PANK1: variants seen among roughly 807,000 people sequenced by gnomAD.
The protein encoded by PANK1 is pantothenic acid kinase 1.
In PANK1, 18 loss-of-function variants were observed where a neutral mutation model predicts 40.1. The observed-to-expected ratio is 0.45, with a 90% CI of 0.31 to 0.67. The LOEUF (loss-of-function observed/expected upper bound fraction) is 0.67, where lower values mean the gene tolerates loss of function less well. PANK1 is among the 30% of genes least tolerant of loss of function. PANK1 has a pLI of 0.06. For missense variants in PANK1, 457 were observed against 599.6 expected, an observed-to-expected ratio of 0.76 and a Z score of 2.48; for synonymous variants, 242 against 237.7, an observed-to-expected ratio of 1.02 and a Z score of -0.17.
At chr10:89,586,385 G>A (rs1296388822) in intron 6 of PANK1, among the ~76,000 whole-genome samples, 5 of 151,904 alleles carry the variant, frequency 3.3e-5, no homozygotes, top group Non-Finnish European at 7.4e-5. Context: ...TAAATAATCA[G>A]GTATTCTGGC....
At chr10:89,643,874 G>C (rs1448446042) in intron 1 of PANK1, 43 of 1,441,728 alleles carry the variant, frequency 3.0e-5, no homozygotes, top group Non-Finnish European at 3.9e-5. Context: ...TTTAGATTGT[G>C]AAATAATGCA....
At chr10:89,628,943 A>G (rs1309005450) in intron 1 of PANK1, among the ~76,000 whole-genome samples, 1 of 152,094 alleles carries the variant, frequency 6.6e-6, no homozygotes, top group Non-Finnish European at 1.5e-5. Context: ...TCTCTATTAT[A>G]GTTTTCTATG....
At chr10:89,611,251 G>A (rs1462163768) in intron 2 of PANK1, among the ~76,000 whole-genome samples, 1 of 152,172 alleles carries the variant, frequency 6.6e-6, no homozygotes, top group African/African-American at 2.4e-5. Flanking sequence ...GCACTTGAGA[G>A]CAAATGGGTA....
chr10:89,581,458 TC>T (rs763948820), downstream of PANK1: 8 of 152,160 alleles, frequency 5.3e-5, no homozygotes, highest in South Asian at 4.1e-4. Flanking sequence ...TCACTCTGTC[TC>T]CCAGGCTGGA....
rs1844091279 is a variant in PANK1 at position 89,583,275 on chromosome 10, T to C, written c.*1131A>G. The C allele has an allele frequency of 6.6e-6, 1 of 152,168 alleles. No individual in the cohort carries two copies. Among genetic ancestry groups the C allele is most frequent in the South Asian group, 2.1e-4 (1 of 4,830 alleles). 9.4% of individuals were successfully genotyped at this position (152,168 alleles called of 1,614,324 possible). A position where few individuals can be genotyped will look rare whatever the true frequency, so the allele number is the denominator to read the frequency against. ...CAAAAAGAAAAAATATATAGATCAG[T>C]ATAAATTATTTTTAATTTTAGAAAC... On this transcript the variant is annotated 3_prime_UTR_variant, in exon 7 of 7. Transcript: ENST00000307534.
Position 89,622,614 on chromosome 10 carries a change from T to C in PANK1, c.293-10566A>G, listed in dbSNP as rs150085643. On this transcript the variant is annotated intron_variant, in intron 1 of 6. Transcript: ENST00000307534. ...ACTTTAGGAGGCCGAGGTGGGCGGA[T>C]CACGAGGTCAGGAGATTGAGACCAG... is the stretch of plus-strand genomic sequence containing the variant. 5.4e-3 allele frequency among the ~76,000 whole-genome samples: 823 copies of C among 152,228 alleles called. 9 individuals carry two copies. The highest frequency in any genetic ancestry group is 0.017 in the African/African-American group (705 of 41,540).
intron 2 of PANK1, among the ~76,000 whole-genome samples, chr10:89,600,315 G>A (rs909202301): frequency 1.3e-5 from 2 of 152,174 alleles, no homozygotes; most frequent in African/African-American, 4.8e-5. Context: ...GAGGGACTGG[G>A]AACTGGGGTG....
rs890504491 is a variant in PANK1 at position 89,583,783 on chromosome 10, C to G, written c.*623G>C. 1.3e-5 allele frequency: 2 copies of G among 152,084 alleles called. No homozygotes were observed. Among genetic ancestry groups the G allele is most frequent in the Non-Finnish European group, 2.9e-5 (2 of 68,042 alleles). The allele number at this position is 152,084 out of a possible 1,614,324, so 9.4% of individuals were successfully genotyped here. Reference sequence around the variant, plus strand: ...TGGTCAGCACCTTCATTGATATGAACAATTATGTCAAAGAAAGGTTACAGG... The same window carrying G: ...TGGTCAGCACCTTCATTGATATGAAGAATTATGTCAAAGAAAGGTTACAGG... On this transcript the variant is annotated 3_prime_UTR_variant, in exon 7 of 7. Transcript: ENST00000307534.
At chr10:89,643,862 G>A in intron 1 of PANK1, 1 of 1,474,504 alleles carries the variant, frequency 6.8e-7, no homozygotes, top group East Asian at 2.4e-5. Context: ...ATATATACAA[G>A]CTTTAGATTG....
Position 89,593,244 on chromosome 10 carries a change from T to C in PANK1, c.1153A>G (p.Ile385Val), listed in dbSNP as rs1229557185. Residue 385 changes from isoleucine (I) to valine (V), a missense_variant, in exon 5 of 7, where the codon ATC becomes GTC. Around this residue, in one of 4 missense-constraint regions of PANK1, gnomAD observed 286 missense variants for 415.8 expected, o/e 0.69. Transcript: ENST00000307534. ...EDLARATLVT[I>V]TNNIGSIARM... is the part of the protein sequence containing the mutation. ...GCAATGGAGCCAATGTTGTTGGTGA[T>C]GGTGACCAATGTGGCCCGGGCGAGG... 4 of 1,613,818 alleles carry C rather than the reference T, an allele frequency of 2.5e-6. No individual in the cohort carries two copies. Among genetic ancestry groups the C allele is most frequent in the Admixed American group, 1.7e-5 (1 of 60,008 alleles).
At chr10:89,599,115 T>C in intron 3 of PANK1, 137 bp downstream of exon 3, 1 of 727,864 alleles carries the variant, frequency 1.4e-6, no homozygotes, top group South Asian at 1.9e-5. Context: ...TAACACACCA[T>C]TTGATAAATT....
chr10:89,619,509 T>C (rs1386964184), intron 1 of PANK1, among the ~76,000 whole-genome samples: 1 of 152,226 alleles, frequency 6.6e-6, no homozygotes, highest in Non-Finnish European at 1.5e-5. Context: ...TGAGTTTCTC[T>C]ATAACCAGCT....
chr10:89,621,351 C>T (rs74829352), intron 1 of PANK1, among the ~76,000 whole-genome samples: 5,669 of 151,898 alleles, frequency 0.037, 414 homozygotes, highest in East Asian at 0.28. Context: ...AATGAATTAT[C>T]TCTTTAAAAA....
chr10:89,645,044 C>T lies in PANK1; in HGVS notation c.-153G>A, dbSNP rs1303072649. ...TGGGGATGGCGAACCCGGCGCTCCT[C>T]CCCTCCTCCTGCCGACTCCCCCACC... On this transcript the variant is annotated 5_prime_UTR_variant, in exon 1 of 7. Coordinates refer to ENST00000307534, the MANE Select transcript of PANK1 (RefSeq NM_148977.3). The T allele has an allele frequency of 4.5e-6, 7 of 1,563,758 alleles. No individual in the cohort carries two copies. Among genetic ancestry groups the T allele is most frequent in the African/African-American group, 2.8e-5 (2 of 70,494 alleles).
rs994818213 is a variant in PANK1, at chr10:89,622,332, T to C, written c.293-10284A>G. On this transcript the variant is annotated intron_variant, in intron 1 of 6. Coordinates refer to ENST00000307534, the MANE Select transcript of PANK1 (RefSeq NM_148977.3). ...ATTAATGTGTACCAGATTTCCTTAG[T>C]TTGAATTTTAGTTATAAGGTAATTA... 3.3e-5 allele frequency among the ~76,000 whole-genome samples: 5 copies of C among 152,170 alleles called. No individual in the cohort carries two copies. The South Asian group carries it at 8.3e-4, about 25-fold the overall frequency.
intron 1 of PANK1, among the ~76,000 whole-genome samples, chr10:89,621,028 G>A (rs547778204): frequency 6.6e-6 from 1 of 152,308 alleles, no homozygotes; most frequent in South Asian, 2.1e-4. Flanking sequence ...AAGGCCGGGT[G>A]CGGTGGTTCA....
At chr10:89,595,981 C>A (rs1194771367) in intron 3 of PANK1, among the ~76,000 whole-genome samples, 1 of 150,256 alleles carries the variant, frequency 6.7e-6, no homozygotes, top group East Asian at 2.0e-4. Context: ...AGCAGATACC[C>A]AAACTGTAGA....
chr10:89,640,735 T>C (rs1412898755), intron 1 of PANK1, among the ~76,000 whole-genome samples: 1 of 152,232 alleles, frequency 6.6e-6, no homozygotes, highest in Non-Finnish European at 1.5e-5. Flanking sequence ...AAACAGCCTG[T>C]CAGTTAAAAC....
At chr10:89,614,552 C>G (rs1240974845) in intron 1 of PANK1, among the ~76,000 whole-genome samples, 6 of 152,048 alleles carry the variant, frequency 3.9e-5, no homozygotes, top group Non-Finnish European at 7.4e-5. Context: ...AATCCTAGCA[C>G]TTTGGGAGGC....
Sources: allele counts gnomAD v4.1 joint callset (sites outside exome capture counted in the v4.1 genomes callset), GRCh38; gene constraint gnomAD v4.1.1; regional missense constraint gnomAD v4.1.1; transcripts MANE v1.5; gene names NCBI Gene and HGNC (gene_info 2026-07-23, HGNC 2026-07-21).